The following DPP4 variants were observed in gnomAD, a reference collection of about 807,000 sequenced individuals.
DPP4 encodes ADCP-2.
A neutral mutation model predicts 122.4 loss-of-function variants in DPP4; 93 were observed. The observed-to-expected ratio is 0.76, with a 90% CI of 0.64 to 0.90. The LOEUF is 0.90. Ranked by LOEUF, DPP4 falls within the 40% of genes least tolerant of loss-of-function variation. The probability of loss-of-function intolerance (pLI) is 0.00; values close to 1 mark genes in which losing one functional copy is unlikely to be tolerated. For missense variants in DPP4, 914 were observed against 907.3 expected (o/e 1.01, Z -0.09); for synonymous variants, 321 against 302.9 (o/e 1.06, Z -0.62).
intron 9 of DPP4, among the ~76,000 whole-genome samples, chr2:162,034,255 C>T (rs776741477): frequency 6.6e-6 from 1 of 152,138 alleles, no homozygotes; most frequent in Non-Finnish European, 1.5e-5. Flanking sequence ...CTTCGATTGA[C>T]AGATTAGTTA....
intron 19 of DPP4, 76 bp from the exon 20 acceptor site, chr2:162,012,063 G>T: frequency 2.1e-6 from 3 of 1,411,202 alleles, no homozygotes; most frequent in East Asian, 2.3e-5. Context: ...TCTCTTCTCC[G>T]TGGAGAAGTA....
chr2:162,004,088 A>G (rs183541718), intron 23 of DPP4, among the ~76,000 whole-genome samples: 102 of 152,290 alleles, frequency 6.7e-4, no homozygotes, highest in Middle Eastern at 3.4e-3. Flanking sequence ...CCACAGAAAC[A>G]TTCAGAGAAC....
At chr2:162,024,027 G>A (rs1222763176) in intron 11 of DPP4, among the ~76,000 whole-genome samples, 1 of 152,230 alleles carries the variant, frequency 6.6e-6, no homozygotes, top group Non-Finnish European at 1.5e-5. Flanking sequence ...CAAGTTATGT[G>A]AGGCTCCAGG....
chr2:161,998,625 G>A (rs760134127), intron 23 of DPP4, among the ~76,000 whole-genome samples: 5 of 152,264 alleles, frequency 3.3e-5, no homozygotes, highest in East Asian at 1.9e-4. Context: ...ATATAAATAC[G>A]CAGGACAGTT....
intron 9 of DPP4, 92 bp downstream of exon 9, chr2:162,035,071 GA>G: frequency 7.7e-7 from 1 of 1,298,860 alleles, no homozygotes; most frequent in Non-Finnish European, 1.0e-6. Flanking sequence ...GTTGAAGAGA[GA>G]CTGACAATAT....
chr2:162,001,614 A>G (rs937559495), intron 23 of DPP4, among the ~76,000 whole-genome samples: 5 of 152,252 alleles, frequency 3.3e-5, no homozygotes, highest in South Asian at 2.1e-4. Flanking sequence ...CCACGTTAAC[A>G]TTTTTTACAA....
intron 18 of DPP4, 109 bp downstream of exon 18, chr2:162,016,659 A>T (rs1682937800): frequency 1.5e-6 from 1 of 649,568 alleles, no homozygotes; most frequent in Non-Finnish European, 2.4e-6. Flanking sequence ...ATAACCTTTT[A>T]AATTAGATTT....
At chr2:162,020,093 T>C (rs771364743) in intron 14 of DPP4, 136 bp downstream of exon 14, 1 of 726,642 alleles carries the variant, frequency 1.4e-6, no homozygotes, top group Non-Finnish European at 2.2e-6. Flanking sequence ...TTCCGTATGT[T>C]AAAAAGAAAA....
At chr2:162,067,863 C>T (rs1431024726) in intron 2 of DPP4, among the ~76,000 whole-genome samples, 1 of 152,124 alleles carries the variant, frequency 6.6e-6, no homozygotes, top group Admixed American at 6.5e-5. Flanking sequence ...AAACTCTCAC[C>T]AAGGCATTTC....
Position 162,064,789 on chromosome 2 carries a change from T to C in DPP4, c.94+8610A>G, listed in dbSNP as rs989368990. Among the ~76,000 whole-genome samples, 50 of 152,296 alleles carry C rather than the reference T, an allele frequency of 3.3e-4. 1 individual carries two copies. The highest frequency in any genetic ancestry group is 1.1e-3 in the African/African-American group (46 of 41,558). On this transcript the variant is annotated intron_variant, in intron 2 of 25. Transcript: ENST00000360534. ...AAGAAAGAAAGGGCTGAGGTCAAAATGTCCTTGAGATCAGAAAGGCAGCAA... is the reference window on the plus strand; with the variant it reads ...AAGAAAGAAAGGGCTGAGGTCAAAACGTCCTTGAGATCAGAAAGGCAGCAA...
rs1700904624 is a variant in DPP4, at chr2:161,993,161, C to A, written c.*122G>T. ...TATGAAATTTGGGAACAAAGGTAACCTTAAGTTTCTTGATTTGAGTGTGTA... is the reference window on the plus strand; with the variant it reads ...TATGAAATTTGGGAACAAAGGTAACATTAAGTTTCTTGATTTGAGTGTGTA... On this transcript the variant is annotated 3_prime_UTR_variant, in exon 26 of 26. Coordinates refer to ENST00000360534, the MANE Select transcript of DPP4 (RefSeq NM_001935.4). 3 of 763,986 alleles carry A rather than the reference C, an allele frequency of 3.9e-6. No individual in the cohort carries two copies. The highest frequency in any genetic ancestry group is 6.5e-6 in the Non-Finnish European group (3 of 461,744). The allele number at this position is 763,986 out of a possible 1,614,324, so 47.3% of individuals were successfully genotyped here.
intron 1 of DPP4, 85 bp downstream of exon 1, chr2:162,073,891 T>C: frequency 6.4e-7 from 1 of 1,571,558 alleles, no homozygotes; most frequent in South Asian, 1.2e-5. Context: ...CCTGGTCCGG[T>C]TTCGCCAGCT....
chr2:162,028,040 G>A (rs963211900), intron 10 of DPP4, among the ~76,000 whole-genome samples: 9 of 147,496 alleles, frequency 6.1e-5, no homozygotes, highest in Non-Finnish European at 1.0e-4. Context: ...GCCAGTCTGA[G>A]ATGTCAAAGA....
intron 13 of DPP4, 78 bp from the exon 14 acceptor site, chr2:162,020,374 T>C: frequency 1.6e-6 from 2 of 1,231,460 alleles, no homozygotes; most frequent in Non-Finnish European, 2.3e-6. Flanking sequence ...GAGGATTAAA[T>C]CATTTATATC....
intron 5 of DPP4, 86 bp from the exon 6 acceptor site, chr2:162,039,270 T>A: frequency 9.2e-7 from 1 of 1,090,256 alleles, no homozygotes; most frequent in Non-Finnish European, 1.4e-6. Context: ...ATAGGTTTGG[T>A]AATATATGAT....
At chr2:162,019,908 A>C (rs1363957856) in intron 14 of DPP4, among the ~76,000 whole-genome samples, 5 of 152,166 alleles carry the variant, frequency 3.3e-5, no homozygotes, top group Admixed American at 6.5e-5. Context: ...GCCTTCCAAA[A>C]AATCAGTGCC....
rs988228459 is a variant in DPP4, at chr2:162,035,088, T to G, written c.774+76A>C. The stretch of plus-strand genomic sequence containing the variant: ...TGAAGAGAGACTGACAATATTTTCA[T>G]TAGCAAGAAGGGATTAAATGAAACC... On this transcript the variant is annotated intron_variant, in intron 9 of 25. Transcript: ENST00000360534. The G allele has an allele frequency of 2.1e-6, 3 of 1,412,560 alleles. 1 individual carries two copies. Among genetic ancestry groups the G allele is most frequent in the Non-Finnish European group, 2.9e-6 (3 of 1,050,606 alleles). 87.5% of individuals were successfully genotyped at this position (1,412,560 alleles called of 1,614,324 possible).
At chr2:162,038,767 G>A (rs1420012046) in intron 7 of DPP4, among the ~76,000 whole-genome samples, 182 bp downstream of exon 7, 1 of 152,110 alleles carries the variant, frequency 6.6e-6, no homozygotes, top group East Asian at 1.9e-4. Context: ...TAGAGAGAAG[G>A]CAGTTGCATT....
chr2:162,007,051 T>C (rs1437174015), intron 22 of DPP4, among the ~76,000 whole-genome samples: 2 of 152,080 alleles, frequency 1.3e-5, no homozygotes, highest in African/African-American at 2.4e-5. Flanking sequence ...AATCAAAATA[T>C]TGTCCTCCAA....
Sources: allele counts gnomAD v4.1 joint callset (sites outside exome capture counted in the v4.1 genomes callset), GRCh38; gene constraint gnomAD v4.1.1; transcripts MANE v1.5; gene names NCBI Gene and HGNC (gene_info 2026-07-23, HGNC 2026-07-21).